PDE4B: variants seen among roughly 807,000 people sequenced by gnomAD.
PDE4B encodes phosphodiesterase 4B.
Under a neutral mutation model 82.2 loss-of-function variants are expected in PDE4B, and 20 were observed. That is an observed-to-expected ratio of 0.24 (90% confidence interval 0.17 to 0.35). PDE4B has a LOEUF of 0.35. Ranked by LOEUF, PDE4B falls within the 10% of genes least tolerant of loss-of-function variation. PDE4B has a pLI of 1.00. For synonymous variants in PDE4B, 320 were observed against 318.9 expected, an observed-to-expected ratio of 1.00 and a Z score of -0.04; for missense variants, 655 against 907.2, an observed-to-expected ratio of 0.72 and a Z score of 3.57.
intron 7 of PDE4B, among the ~76,000 whole-genome samples, chr1:66,299,343 C>G (rs1411651934): frequency 2.0e-5 from 3 of 152,116 alleles, no homozygotes; most frequent in African/African-American, 7.2e-5. Context: ...CTGTACCTGA[C>G]TTATTTTACT....
chr1:66,144,244 C>T (rs958343522), intron 3 of PDE4B, among the ~76,000 whole-genome samples: 2 of 152,142 alleles, frequency 1.3e-5, no homozygotes, highest in African/African-American at 4.8e-5. Flanking sequence ...ATCCATTCAA[C>T]AATTAAACAA....
intron 3 of PDE4B, among the ~76,000 whole-genome samples, chr1:66,021,944 G>C (rs1157853775): frequency 6.6e-6 from 1 of 152,190 alleles, no homozygotes; most frequent in African/African-American, 2.4e-5. Flanking sequence ...CTATCCATGA[G>C]CATGGAATGT....
chr1:66,097,888 G>A (rs1393908497), intron 3 of PDE4B, among the ~76,000 whole-genome samples: 1 of 145,678 alleles, frequency 6.9e-6, no homozygotes, highest in Non-Finnish European at 1.5e-5. Flanking sequence ...ATTTTTTAAA[G>A]TGGTGATAGA....
chr1:66,132,691 CT>C (rs1198002015), intron 3 of PDE4B, among the ~76,000 whole-genome samples: 22 of 152,148 alleles, frequency 1.4e-4, no homozygotes, highest in African/African-American at 4.6e-4. Context: ...ATTTCTCCCT[CT>C]TTTTTCCCCA....
At chr1:66,129,332 C>T (rs945485131) in intron 3 of PDE4B, among the ~76,000 whole-genome samples, 1 of 152,076 alleles carries the variant, frequency 6.6e-6, no homozygotes, top group Non-Finnish European at 1.5e-5. Flanking sequence ...TAGCTCTGCC[C>T]CTTACGAAGT....
chr1:65,793,895 C>G (rs1430271685), intron 1 of PDE4B, among the ~76,000 whole-genome samples: 1 of 152,344 alleles, frequency 6.6e-6, no homozygotes, highest in East Asian at 1.9e-4. Flanking sequence ...TTCCATCTTC[C>G]TGTTTTGCCT....
intron 5 of PDE4B, 32 bp downstream of exon 5, chr1:66,257,715 A>G (rs762077506): frequency 3.7e-6 from 6 of 1,611,584 alleles, no homozygotes; most frequent in South Asian, 1.1e-5. Context: ...GCTTGCTTTC[A>G]CTGTCGCTGG....
At chr1:65,841,327 G>A (rs1182425512) in intron 1 of PDE4B, among the ~76,000 whole-genome samples, 2 of 150,834 alleles carry the variant, frequency 1.3e-5, no homozygotes, top group Admixed American at 1.3e-4. Context: ...AAAAAAGAGA[G>A]AGAGAGAAAG....
chr1:66,181,015 G>A (rs1478944826), intron 3 of PDE4B, among the ~76,000 whole-genome samples: 1 of 152,168 alleles, frequency 6.6e-6, no homozygotes, highest in Non-Finnish European at 1.5e-5. Context: ...TCAAGGACAT[G>A]TCTCTACTAA....
chr1:66,241,900 G>T (rs575939033), intron 3 of PDE4B, among the ~76,000 whole-genome samples: 157 of 152,276 alleles, frequency 1.0e-3, no homozygotes, highest in Non-Finnish European at 1.9e-3. Flanking sequence ...TAATCCAAAT[G>T]AAACTGGCTT....
chr1:66,029,218 C>T (rs780824612), intron 3 of PDE4B, among the ~76,000 whole-genome samples: 2 of 152,118 alleles, frequency 1.3e-5, no homozygotes, highest in African/African-American at 2.4e-5. Context: ...AAGCAGAAAC[C>T]CTTAATAAAC....
chr1:65,848,136 A>C (rs1331328709), intron 1 of PDE4B, among the ~76,000 whole-genome samples: 1 of 151,586 alleles, frequency 6.6e-6, no homozygotes, highest in East Asian at 1.9e-4. Context: ...TTAAGTGTAC[A>C]GCTTTATCAT....
At chr1:65,961,925 T>C (rs1054973777) in intron 3 of PDE4B, among the ~76,000 whole-genome samples, 1 of 152,170 alleles carries the variant, frequency 6.6e-6, no homozygotes, top group Non-Finnish European at 1.5e-5. Context: ...TAAGTGCGGC[T>C]GAAGAGTCTG....
At chr1:66,010,887 A>G (rs188975375) in intron 3 of PDE4B, among the ~76,000 whole-genome samples, 2 of 150,818 alleles carry the variant, frequency 1.3e-5, no homozygotes, top group Non-Finnish European at 3.0e-5. Context: ...ATGGCATCAC[A>G]TGATGTCAAA....
At chr1:66,365,257 G>GT (rs1663151357) in intron 12 of PDE4B, among the ~76,000 whole-genome samples, 1 of 152,130 alleles carries the variant, frequency 6.6e-6, no homozygotes, top group Non-Finnish European at 1.5e-5. Context: ...TTTTCTCTAA[G>GT]TTATTCAGCT....
intron 1 of PDE4B, among the ~76,000 whole-genome samples, chr1:65,819,628 T>C (rs182902622): frequency 1.3e-5 from 2 of 151,742 alleles, no homozygotes; most frequent in East Asian, 3.9e-4. Context: ...TAGCCTTGAG[T>C]AGCTGGGACT....
chr1:66,160,577 C>T (rs187086862), intron 3 of PDE4B, among the ~76,000 whole-genome samples: 3 of 152,252 alleles, frequency 2.0e-5, no homozygotes, highest in East Asian at 1.9e-4. Flanking sequence ...CTGAAAGGGT[C>T]GCACTCAGCA....
At chr1:66,104,674 T>C (rs1261117254) in intron 3 of PDE4B, among the ~76,000 whole-genome samples, 1 of 149,332 alleles carries the variant, frequency 6.7e-6, no homozygotes. Context: ...TTGATTTGCA[T>C]TTCTCTGATA....
chr1:65,896,165 T>A (rs1264770358), intron 1 of PDE4B, among the ~76,000 whole-genome samples: 2 of 152,006 alleles, frequency 1.3e-5, no homozygotes, highest in African/African-American at 4.8e-5. Flanking sequence ...TGAGACTGGA[T>A]AATTTAAAAA....
Sources: allele counts gnomAD v4.1 joint callset (sites outside exome capture counted in the v4.1 genomes callset), GRCh38; gene constraint gnomAD v4.1.1; transcripts MANE v1.5; gene names NCBI Gene and HGNC (gene_info 2026-07-23, HGNC 2026-07-21).